Variants in GRK6 observed in about 807,000 individuals in gnomAD.
GRK6 encodes the protein G protein-coupled receptor kinase 6.
Under a neutral mutation model 80.8 loss-of-function variants are expected in GRK6, and 37 were observed. That is an observed-to-expected ratio of 0.46 (90% CI 0.35 to 0.60). The LOEUF (loss-of-function observed/expected upper bound fraction) is 0.60. Ranked by LOEUF, GRK6 falls within the 20% of genes least tolerant of loss-of-function variation. GRK6 has a pLI of 0.00. For synonymous variants in GRK6, 295 were observed against 320.9 expected, an observed-to-expected ratio of 0.92 and a Z score of 0.86; for missense variants, 560 against 784.6, an observed-to-expected ratio of 0.71 and a Z score of 3.42.
At chr5:177,436,838 C>T (rs1277714534) in intron 13 of GRK6, among the ~76,000 whole-genome samples, 3 of 152,096 alleles carry the variant, frequency 2.0e-5, no homozygotes, top group East Asian at 3.9e-4. Flanking sequence ...AGCAGTGGGC[C>T]CCAGCAGCTC....
chr5:177,436,178 G>A lies in GRK6; in HGVS notation c.1163G>A (p.Arg388Lys). ...MIAGQSPFQQ[R>K]KKKIKREEVE... Reference sequence around the variant, plus strand: ...GCAGGCCAGTCGCCCTTCCAGCAGAGGAAGAAGAAGATCAAGCGGGAGGAG... The same window carrying A: ...GCAGGCCAGTCGCCCTTCCAGCAGAAGAAGAAGAAGATCAAGCGGGAGGAG... Residue 388 changes from arginine to lysine, a missense_variant, in exon 12 of 16, where the codon AGG becomes AAG. Transcript: ENST00000355472. The A allele has an allele frequency of 6.2e-7, 1 of 1,614,220 alleles. No homozygotes were observed. The highest frequency in any genetic ancestry group is 1.1e-5 in the South Asian group (1 of 91,082).
chr5:177,431,542 G>A (rs958855655), intron 2 of GRK6, among the ~76,000 whole-genome samples: 1 of 152,236 alleles, frequency 6.6e-6, no homozygotes, highest in Non-Finnish European at 1.5e-5. Flanking sequence ...GAGCACACCC[G>A]GGCTGCTTCC....
intron 13 of GRK6, among the ~76,000 whole-genome samples, chr5:177,438,109 T>C (rs1371247100): frequency 6.6e-6 from 1 of 152,134 alleles, no homozygotes; most frequent in Non-Finnish European, 1.5e-5. Context: ...TGGCTCACGC[T>C]GTAATCCCAG....
chr5:177,426,914 G>C lies in GRK6; in HGVS notation c.52+17G>C. 7.3e-7 allele frequency: 1 copy of C among 1,363,394 alleles called. No individual in the cohort carries two copies. The highest frequency in any genetic ancestry group is 9.5e-7 in the Non-Finnish European group (1 of 1,052,656). 84.5% of individuals were successfully genotyped at this position (1,363,394 alleles called of 1,614,324 possible). A position where few individuals can be genotyped will look rare whatever the true frequency, so the allele number is the denominator to read the frequency against. On this transcript the variant is annotated intron_variant, in intron 1 of 15. Transcript: ENST00000355472. Reference sequence around the variant, plus strand: ...CCCGGGAAGGTGAGGCGGCCGGGTGGGCGGCCGGGCCCGGGTGCGTGGAGC... The same window carrying C: ...CCCGGGAAGGTGAGGCGGCCGGGTGCGCGGCCGGGCCCGGGTGCGTGGAGC...
rs1764082223 is a variant in GRK6 at position 177,435,097 on chromosome 5, C to T, written c.1033C>T (p.Arg345Cys). 1.2e-6 allele frequency: 2 copies of T among 1,609,964 alleles called. No homozygotes were observed. The highest frequency in any genetic ancestry group is 2.2e-5 in the East Asian group (1 of 44,830). ...HVPEGQTIKGRVGTVGYMAPE... is the reference protein window; with the variant it reads ...HVPEGQTIKGCVGTVGYMAPE... ...GCCCGAGGGCCAGACCATCAAAGGGCGTGTGGGCACCGTGGGTTACATGGG... is the reference window on the plus strand; with the variant it reads ...GCCCGAGGGCCAGACCATCAAAGGGTGTGTGGGCACCGTGGGTTACATGGG... The change falls in exon 11 of 16, where the codon CGT becomes TGT. Residue 345 changes from arginine to cysteine, a missense_variant. Transcript: ENST00000355472.
rs1372642844 is a variant in GRK6 at position 177,428,778 on chromosome 5, CG to C, written c.52+1883del. Among the ~76,000 whole-genome samples the C allele has an allele frequency of 6.6e-6, 1 of 152,000 alleles. No individual in the cohort carries two copies. Among genetic ancestry groups the C allele is most frequent in the African/African-American group, 2.4e-5 (1 of 41,350 alleles). On this transcript the variant is annotated intron_variant, in intron 1 of 15. Coordinates refer to ENST00000355472, the MANE Select transcript of GRK6 (RefSeq NM_001004106.3). The surrounding 1 kb of genome is among the most constrained non-coding windows in gnomAD (Gnocchi z 4.1). ...AACTTCAGTACCCCTTTTTGTGGAA[CG>C]GTTGGGGGTGGGACATAAAGACTAA...
intron 2 of GRK6, chr5:177,431,564 A>T: frequency 4.1e-6 from 1 of 243,846 alleles, no homozygotes; most frequent in Non-Finnish European, 8.2e-6. Flanking sequence ...CCTCCTGGGA[A>T]GGAGGCCCAG....
chr5:177,441,730 C>T lies in GRK6; in HGVS notation c.1678-7C>T. 6.2e-7 allele frequency: 1 copy of T among 1,609,640 alleles called. No homozygotes were observed. Among genetic ancestry groups the T allele is most frequent in the Non-Finnish European group, 8.5e-7 (1 of 1,176,548 alleles). ...TCCCTCCCTCCGTGTCTTCCCCGTCCCTCCAGGATTGCTGTGGAAACTGCA... is the reference window on the plus strand; with the variant it reads ...TCCCTCCCTCCGTGTCTTCCCCGTCTCTCCAGGATTGCTGTGGAAACTGCA... On this transcript the variant is annotated splice_polypyrimidine_tract_variant and splice_region_variant and intron_variant, in intron 15 of 15. Transcript: ENST00000355472.
chr5:177,428,968 T>C lies in GRK6; in HGVS notation c.53-1904T>C, dbSNP rs1401412469. Among the ~76,000 whole-genome samples, 1 of 152,064 alleles carries C rather than the reference T, an allele frequency of 6.6e-6. No individual in the cohort carries two copies. Among genetic ancestry groups the C allele is most frequent in the Non-Finnish European group, 1.5e-5 (1 of 68,000 alleles). On this transcript the variant is annotated intron_variant, in intron 1 of 15. Transcript: ENST00000355472. This position sits in a 1 kb window ranked among gnomAD's most constrained non-coding sequence, Gnocchi z 4.1. ...GGTTTGGGAACCCTTGGTGTGTGTA[T>C]ACAGTTGGCACCTAATAGATGCCAG... is the stretch of plus-strand genomic sequence containing the variant.
At position 177,434,947 on chromosome 5, in the gene GRK6, A is replaced by AG; in HGVS notation, c.967+11dup. The AG allele has an allele frequency of 1.0e-6, 1 of 997,972 alleles. No individual in the cohort carries two copies. The highest frequency in any genetic ancestry group is 1.5e-6 in the Non-Finnish European group (1 of 681,802). 61.8% of individuals were successfully genotyped at this position (997,972 alleles called of 1,614,324 possible). On this transcript the variant is annotated intron_variant, in intron 10 of 15. Coordinates refer to ENST00000355472, the MANE Select transcript of GRK6 (RefSeq NM_001004106.3). ...TCTTGCTGGATGACCACGGTGTGTA[A>AG]GGGTGCCTGGGGTGGGTCAGGGTGG...
upstream of GRK6, chr5:177,426,361 T>A (rs1008372630): frequency 2.6e-5 from 4 of 152,364 alleles, no homozygotes; most frequent in East Asian, 3.9e-4. Flanking sequence ...CTCCTGGGCG[T>A]GCCCCAGAGT....
Position 177,433,141 on chromosome 5 carries a change from C to T in GRK6, c.441-6C>T. 6.2e-6 allele frequency: 10 copies of T among 1,612,600 alleles called. No homozygotes were observed. The highest frequency in any genetic ancestry group is 8.5e-6 in the Non-Finnish European group (10 of 1,179,266). Reference sequence around the variant, plus strand: ...CGGGTGAGCTGGGCCTGCCTTTCCTCAACAGGCTGACCCACGAGTACCTGA... The same window carrying T: ...CGGGTGAGCTGGGCCTGCCTTTCCTTAACAGGCTGACCCACGAGTACCTGA... On this transcript the variant is annotated splice_region_variant and splice_polypyrimidine_tract_variant and intron_variant, in intron 5 of 15. Transcript: ENST00000355472.
chr5:177,439,016 C>G (rs1217540792), intron 13 of GRK6: 1 of 152,216 alleles, frequency 6.6e-6, no homozygotes, highest in Non-Finnish European at 1.5e-5. Flanking sequence ...GCCCCTGAGG[C>G]TGGCACTGCC....
chr5:177,433,430 C>T lies in GRK6; in HGVS notation c.597+20C>T. 1.2e-6 allele frequency: 2 copies of T among 1,612,028 alleles called. No individual in the cohort carries two copies. The highest frequency in any genetic ancestry group is 1.3e-5 in the African/African-American group (1 of 75,006). On this transcript the variant is annotated intron_variant, in intron 7 of 15. Transcript: ENST00000355472. ...GGGGAGGTGAGTGGCCAGGCCAGAG[C>T]CCCTGGGAGAGTGAATAGGGTGGGT...
rs749724882 is a variant in GRK6 at position 177,435,088 on chromosome 5, A to G, written c.1024A>G (p.Ile342Val). 18 of 1,611,136 alleles carry G rather than the reference A, an allele frequency of 1.1e-5. No individual in the cohort carries two copies. Among genetic ancestry groups the G allele is most frequent in the Admixed American group, 1.7e-5 (1 of 59,942 alleles). The change falls in exon 11 of 16, where the codon ATC becomes GTC. Residue 342 changes from isoleucine (I) to valine (V), a missense_variant. Coordinates refer to ENST00000355472, the MANE Select transcript of GRK6 (RefSeq NM_001004106.3). Reference protein sequence around the residue: ...LAVHVPEGQTIKGRVGTVGYM... With the variant: ...LAVHVPEGQTVKGRVGTVGYM... ...TGTGCATGTGCCCGAGGGCCAGACC[A>G]TCAAAGGGCGTGTGGGCACCGTGGG... is the stretch of plus-strand genomic sequence containing the variant.
In GRK6 at chr5:177,441,870, C is replaced by T. The variant is rs761883878; in HGVS notation, c.*80C>T. 2.4e-6 allele frequency: 3 copies of T among 1,270,048 alleles called. No homozygotes were observed. The highest frequency in any genetic ancestry group is 3.4e-6 in the Non-Finnish European group (3 of 876,514). 78.7% of individuals were successfully genotyped at this position (1,270,048 alleles called of 1,614,324 possible). On this transcript the variant is annotated 3_prime_UTR_variant, in exon 16 of 16. Transcript: ENST00000355472. Reference sequence around the variant, plus strand: ...GTTTACAGTTTTGCACAGTGATCTTCCCCATTGTCCACTCAAGTCGTGGCC... The same window carrying T: ...GTTTACAGTTTTGCACAGTGATCTTTCCCATTGTCCACTCAAGTCGTGGCC...
rs776064233 is a variant in GRK6 at position 177,433,192 on chromosome 5, C to T, written c.486C>T (p.Leu162=). The T allele has an allele frequency of 5.0e-6, 8 of 1,614,158 alleles. No individual in the cohort carries two copies. The highest frequency in any genetic ancestry group is 2.2e-5 in the East Asian group (1 of 44,894). Residue 162 remains leucine (L), a synonymous_variant, in exon 6 of 16, where the codon CTC becomes CTT. Transcript: ENST00000355472. ...GCGTGGCCCCTTTTGCCGACTACCT[C>T]GACAGCATCTACTTCAACCGTTTCC... is the stretch of plus-strand genomic sequence containing the variant. ...YLSVAPFADY[L]DSIYFNRFLQ...
At chr5:177,441,591 C>T in intron 15 of GRK6, 146 bp from the exon 16 acceptor site, 1 of 763,604 alleles carries the variant, frequency 1.3e-6, no homozygotes, top group Non-Finnish European at 2.3e-6. Flanking sequence ...GCTCCAGGCT[C>T]CTTGTGGAGA....
In GRK6 at chr5:177,436,242, C is replaced by G. The variant is rs774743489; in HGVS notation, c.1227C>G (p.Ser409=). The G allele has an allele frequency of 1.2e-6, 2 of 1,613,978 alleles. No homozygotes were observed. Among genetic ancestry groups the G allele is most frequent in the Non-Finnish European group, 1.7e-6 (2 of 1,180,008 alleles). Residue 409 remains serine, a synonymous_variant, in exon 12 of 16, where the codon TCC becomes TCG. Coordinates refer to ENST00000355472, the MANE Select transcript of GRK6 (RefSeq NM_001004106.3). Reference sequence around the variant, plus strand: ...TGAAGGAGGTCCCCGAGGAGTATTCCGAGCGCTTTTCCCCGCAGGCCCGCT... The same window carrying G: ...TGAAGGAGGTCCCCGAGGAGTATTCGGAGCGCTTTTCCCCGCAGGCCCGCT... The part of the protein sequence containing the change: ...RLVKEVPEEY[S]ERFSPQARSL...
Sources: gnomAD v4.1 joint callset for allele counts (sites outside exome capture counted in the v4.1 genomes callset) on GRCh38, gnomAD v4.1.1 for gene constraint, Gnocchi (gnomAD v3.1) non-coding constraint, MANE v1.5 for transcripts, NCBI Gene and HGNC (gene_info 2026-07-23, HGNC 2026-07-21) for gene names.